AOPEP: variants seen among roughly 807,000 people sequenced by gnomAD.
AOPEP encodes aminopeptidase O.
Under a neutral mutation model 98.1 loss-of-function variants are expected in AOPEP, and 77 were observed. That is an observed-to-expected ratio of 0.78 (90% CI 0.65 to 0.95). AOPEP has a LOEUF of 0.95. AOPEP is among the 40% of genes least tolerant of loss of function. AOPEP has a pLI of 0.00. For missense variants in AOPEP, 1,024 were observed against 1,024.7 expected (o/e 1.00, Z 0.01); for synonymous variants, 346 against 365.3 (o/e 0.95, Z 0.60).
chr9:94,786,786 A>T (rs1844526198), intron 3 of AOPEP, among the ~76,000 whole-genome samples: 1 of 152,262 alleles, frequency 6.6e-6, no homozygotes, highest in African/African-American at 2.4e-5. Context: ...CAAGAAGCCC[A>T]GGGCCAGACT....
At chr9:94,898,344 C>T (rs1269132126) in intron 5 of AOPEP, among the ~76,000 whole-genome samples, 3 of 151,760 alleles carry the variant, frequency 2.0e-5, no homozygotes, top group Non-Finnish European at 2.9e-5. Context: ...GCTGGCCAGG[C>T]GTGGTGGCTC....
chr9:94,950,274 C>T (rs547485313), intron 7 of AOPEP, among the ~76,000 whole-genome samples: 51 of 152,298 alleles, frequency 3.3e-4, no homozygotes, highest in African/African-American at 1.2e-3. Flanking sequence ...AGTCGGAACA[C>T]AGAACGCAGA....
At chr9:94,925,603 A>G (rs1030056345) in intron 6 of AOPEP, among the ~76,000 whole-genome samples, 1 of 151,956 alleles carries the variant, frequency 6.6e-6, no homozygotes, top group Non-Finnish European at 1.5e-5. Flanking sequence ...TCATTTCCTT[A>G]TCCTCACACC....
chr9:94,836,426 G>T (rs2041609963), intron 5 of AOPEP, among the ~76,000 whole-genome samples: 1 of 152,062 alleles, frequency 6.6e-6, no homozygotes, highest in Admixed American at 6.6e-5. Context: ...GTATTTAGGG[G>T]TATCTCATTG....
chr9:95,125,982 CTG>C, the AOPEP span, among the ~76,000 whole-genome samples: 1 of 152,212 alleles, frequency 6.6e-6, no homozygotes, highest in African/African-American at 2.4e-5. Context: ...AGCTTCATGG[CTG>C]TGAGCTCCTC....
intron 5 of AOPEP, among the ~76,000 whole-genome samples, chr9:94,878,933 C>G (rs896270976): frequency 6.6e-6 from 1 of 152,158 alleles, no homozygotes; most frequent in Non-Finnish European, 1.5e-5. Context: ...TATTATTACT[C>G]AAATCAGTTT....
chr9:94,954,985 T>A (rs2058356361), intron 7 of AOPEP, among the ~76,000 whole-genome samples, 192 bp from the exon 8 acceptor site: 1 of 152,180 alleles, frequency 6.6e-6, no homozygotes, highest in African/African-American at 2.4e-5. Context: ...AATAGCCAAC[T>A]TCAGGTTCCC....
intron 1 of AOPEP, among the ~76,000 whole-genome samples, chr9:94,734,661 A>T (rs981541489): frequency 6.6e-6 from 1 of 152,234 alleles, no homozygotes; most frequent in Non-Finnish European, 1.5e-5. Context: ...TGGTCTCTGG[A>T]CCAGCATATT....
At chr9:94,797,102 G>A (rs568128908) in intron 4 of AOPEP, among the ~76,000 whole-genome samples, 55 of 152,322 alleles carry the variant, frequency 3.6e-4, no homozygotes, top group African/African-American at 1.3e-3. Context: ...GCATCTTTGA[G>A]TCGGTGCTGA....
rs189764557 is a variant in AOPEP at position 94,952,196 on chromosome 9, C to T, written c.1662-2981C>T. On this transcript the variant is annotated intron_variant, in intron 7 of 16. Transcript: ENST00000375315. Reference sequence around the variant, plus strand: ...TCGTGTGCCAGTGGCACATGAGTGGCAAAGCCCCTTTTCTAGACTGATGGC... The same window carrying T: ...TCGTGTGCCAGTGGCACATGAGTGGTAAAGCCCCTTTTCTAGACTGATGGC... 2.1e-4 allele frequency among the ~76,000 whole-genome samples: 32 copies of T among 152,342 alleles called. No homozygotes were observed. In the East Asian group the frequency reaches 6.2e-3, roughly 29 times the overall value.
intron 5 of AOPEP, among the ~76,000 whole-genome samples, chr9:94,822,735 T>C (rs894425): frequency 0.95 from 144,210 of 152,190 alleles, 68,344 homozygotes; most frequent in Middle Eastern, 0.99. Context: ...TGATAGGAAC[T>C]GTTTATCGAG....
At chr9:95,112,823 G>C in the AOPEP span, among the ~76,000 whole-genome samples, 1 of 152,236 alleles carries the variant, frequency 6.6e-6, no homozygotes, top group African/African-American at 2.4e-5. Flanking sequence ...CCAAGGTCTG[G>C]ATTGAAGTGG....
intron 5 of AOPEP, among the ~76,000 whole-genome samples, chr9:94,855,447 G>A (rs1485607677): frequency 1.3e-5 from 2 of 152,156 alleles, no homozygotes; most frequent in Non-Finnish European, 2.9e-5. Context: ...CCAGCAGTTT[G>A]GGAGGCTGAG....
the AOPEP span, among the ~76,000 whole-genome samples, chr9:95,129,206 C>T: frequency 1.3e-5 from 2 of 152,242 alleles, no homozygotes; most frequent in Admixed American, 1.3e-4. Flanking sequence ...TCATCTGCAC[C>T]CCTCACCGAT....
intron 13 of AOPEP, among the ~76,000 whole-genome samples, chr9:95,031,800 A>G (rs1264263381): frequency 1.3e-5 from 2 of 152,206 alleles, no homozygotes; most frequent in African/African-American, 4.8e-5. Flanking sequence ...CAGTTCAAAC[A>G]AGCGAACACT....
At chr9:95,125,195 G>A in the AOPEP span, 9 of 1,607,512 alleles carry the variant, frequency 5.6e-6, no homozygotes, top group Non-Finnish European at 6.8e-6. Flanking sequence ...CCTGAACAAT[G>A]CAAAGTCAGA....
At chr9:95,114,648 C>A in the AOPEP span, 1 of 1,614,056 alleles carries the variant, frequency 6.2e-7, no homozygotes, top group Non-Finnish European at 8.5e-7. Flanking sequence ...TGGTCTTCAA[C>A]TGCTTCTCTG....
chr9:94,839,046 G>A (rs545803750), intron 5 of AOPEP, among the ~76,000 whole-genome samples: 182 of 150,256 alleles, frequency 1.2e-3, no homozygotes, highest in African/African-American at 4.4e-3. Context: ...GAGTAGGTGG[G>A]ACTACAGGCG....
intron 3 of AOPEP, among the ~76,000 whole-genome samples, chr9:94,782,080 C>T (rs1450576447): frequency 3.3e-5 from 5 of 151,638 alleles, no homozygotes. Flanking sequence ...GTAATCCCAG[C>T]TACTTGGGCT....
Sources: allele counts gnomAD v4.1 joint callset (sites outside exome capture counted in the v4.1 genomes callset), GRCh38; gene constraint gnomAD v4.1.1; transcripts MANE v1.5; gene names NCBI Gene and HGNC (gene_info 2026-07-23, HGNC 2026-07-21).